Variants in PIK3C2G observed in about 807,000 individuals in gnomAD.
PIK3C2G encodes phosphatidylinositol 3-kinase C2 domain-containing subunit gamma.
In PIK3C2G, 168 loss-of-function variants were observed where a neutral mutation model predicts 181.1. The observed-to-expected ratio is 0.93, with a 90% CI of 0.82 to 1.05. The LOEUF is 1.05. Among genes scored for constraint, PIK3C2G ranks in the 50% least tolerant of loss-of-function variants. The pLI is 0.00. For missense variants in PIK3C2G, 1,869 were observed against 1,732.8 expected, an observed-to-expected ratio of 1.08 and a Z score of -1.40; for synonymous variants, 573 against 592.2, an observed-to-expected ratio of 0.97 and a Z score of 0.47.
the PIK3C2G span, among the ~76,000 whole-genome samples, chr12:18,702,512 G>A: frequency 6.6e-6 from 1 of 152,058 alleles, no homozygotes; most frequent in Non-Finnish European, 1.5e-5. Context: ...TCTCCAGGGA[G>A]CTTTGATTGT....
At chr12:18,465,412 A>G (rs1937750382) in intron 18 of PIK3C2G, among the ~76,000 whole-genome samples, 1 of 151,884 alleles carries the variant, frequency 6.6e-6, no homozygotes, top group Non-Finnish European at 1.5e-5. Context: ...TTCTTTGTCC[A>G]TCATTTCTTC....
the PIK3C2G span, among the ~76,000 whole-genome samples, chr12:18,718,793 T>C: frequency 6.6e-6 from 1 of 152,220 alleles, no homozygotes; most frequent in African/African-American, 2.4e-5. Flanking sequence ...TCTGTCTATC[T>C]GCTTGTACAC....
chr12:18,719,352 C>G, the PIK3C2G span: 1 of 793,058 alleles, frequency 1.3e-6, no homozygotes, highest in Non-Finnish European at 1.8e-6. Context: ...TTATTGTGCA[C>G]TCTTGCCTAC....
At chr12:18,599,686 AAAAAT>A (rs1285334955) in intron 30 of PIK3C2G, among the ~76,000 whole-genome samples, 12 of 99,038 alleles carry the variant, frequency 1.2e-4, no homozygotes, top group African/African-American at 4.6e-4. Flanking sequence ...ATAAATAAAA[AAAAAT>A]AAAAATAAAA....
chr12:18,617,446 G>T (rs1204783729), intron 31 of PIK3C2G, among the ~76,000 whole-genome samples: 1 of 152,036 alleles, frequency 6.6e-6, no homozygotes, highest in Admixed American at 6.6e-5. Flanking sequence ...TTTTATACAT[G>T]TTTCACCAAA....
chr12:18,607,262 G>C (rs1034586373), intron 30 of PIK3C2G: 1 of 469,888 alleles, frequency 2.1e-6, no homozygotes, highest in African/African-American at 2.0e-5. Flanking sequence ...GAAAGAAATA[G>C]TAGAGCCTGT....
intron 20 of PIK3C2G, among the ~76,000 whole-genome samples, chr12:18,492,584 A>G (rs892062964): frequency 2.0e-5 from 3 of 152,334 alleles, no homozygotes; most frequent in Middle Eastern, 3.4e-3. Flanking sequence ...CATCATCAGC[A>G]GTATTCTTGT....
intron 21 of PIK3C2G, among the ~76,000 whole-genome samples, chr12:18,496,630 G>A (rs1242374683): frequency 6.6e-6 from 1 of 151,958 alleles, no homozygotes; most frequent in African/African-American, 2.4e-5. Flanking sequence ...TAATCCCACT[G>A]GAAAAACAGA....
chr12:18,433,784 A>G (rs1946294792), intron 18 of PIK3C2G, among the ~76,000 whole-genome samples: 1 of 152,204 alleles, frequency 6.6e-6, no homozygotes, highest in Non-Finnish European at 1.5e-5. Flanking sequence ...AAATCCCTCT[A>G]GGATGGGAAA....
chr12:18,492,115 T>C (rs533699068), intron 20 of PIK3C2G, among the ~76,000 whole-genome samples: 6 of 152,336 alleles, frequency 3.9e-5, no homozygotes, highest in African/African-American at 1.4e-4. Context: ...CTCTGTCATA[T>C]GGTACCTCTT....
At chr12:18,360,232 C>T (rs111346640) in intron 11 of PIK3C2G, among the ~76,000 whole-genome samples, 2,432 of 152,062 alleles carry the variant, frequency 0.016, 65 homozygotes, top group African/African-American at 0.055. Flanking sequence ...CTTCTTTAAC[C>T]TTTTAACTAA....
intron 25 of PIK3C2G, among the ~76,000 whole-genome samples, chr12:18,544,294 T>G (rs1944312385): frequency 1.3e-5 from 2 of 151,794 alleles, no homozygotes; most frequent in African/African-American, 4.8e-5. Flanking sequence ...TAAAAGACAT[T>G]TGTGACCAGA....
intron 29 of PIK3C2G, among the ~76,000 whole-genome samples, chr12:18,573,130 T>G (rs1946055304): frequency 6.6e-6 from 1 of 152,216 alleles, no homozygotes; most frequent in Non-Finnish European, 1.5e-5. Context: ...ATTTTCTTTT[T>G]TTATTGTGGC....
the PIK3C2G span, among the ~76,000 whole-genome samples, chr12:18,717,544 C>T: frequency 2.0e-5 from 3 of 152,086 alleles, no homozygotes; most frequent in Non-Finnish European, 2.9e-5. Context: ...CTTCTGAATT[C>T]CACACACACA....
chr12:18,609,576 A>G lies in PIK3C2G; in HGVS notation c.4129A>G (p.Ile1377Val). 1.3e-6 allele frequency: 2 copies of G among 1,589,016 alleles called. No individual in the cohort carries two copies. Among genetic ancestry groups the G allele is most frequent in the Non-Finnish European group, 8.6e-7 (1 of 1,166,098 alleles). ...CAAGAAGCCTAAGGTGCAGTTAGTC[A>G]TATCCTACGAGGATGTGAAGCTGAC... The part of the protein sequence containing the change: ...PDKKPKVQLV[I>V]SYEDVKLTIL... Residue 1377 changes from isoleucine (I) to valine (V), a missense_variant, in exon 31 of 33, where the codon ATA (isoleucine) becomes GTA (valine). Coordinates refer to ENST00000538779, the MANE Select transcript of PIK3C2G (RefSeq NM_001288772.2).
chr12:18,681,139 A>T, the PIK3C2G span, among the ~76,000 whole-genome samples: 62 of 152,162 alleles, frequency 4.1e-4, no homozygotes, highest in African/African-American at 1.4e-3. Flanking sequence ...TTCAACAAGG[A>T]AACACGACAG....
At chr12:18,547,644 A>AAAAACAAAACAAAACAAAACAAAAC (rs143686648) in intron 26 of PIK3C2G, among the ~76,000 whole-genome samples, 15 of 151,084 alleles carry the variant, frequency 9.9e-5, no homozygotes, top group African/African-American at 3.4e-4. Flanking sequence ...GAGTTGTTGC[A>AAAAACAAAACAAAACAAAACAAAAC]AAAACAAAAC....
chr12:18,573,593 GCTGT>G (rs1260936829), intron 29 of PIK3C2G, among the ~76,000 whole-genome samples: 4 of 152,074 alleles, frequency 2.6e-5, no homozygotes, highest in African/African-American at 7.2e-5. Context: ...TATCTTGTTG[GCTGT>G]CTAACACTTT....
rs554991875 is a variant in PIK3C2G at position 18,421,068 on chromosome 12, G to T, written c.2409+34G>T. 2.0e-4 allele frequency: 222 copies of T among 1,132,796 alleles called. 1 individual carries two copies. In the South Asian group the frequency reaches 2.7e-3, roughly 14 times the overall value. The allele number at this position is 1,132,796 out of a possible 1,614,324, so 70.2% of individuals were successfully genotyped here. On this transcript the variant is annotated intron_variant, in intron 17 of 32. Coordinates refer to ENST00000538779, the MANE Select transcript of PIK3C2G (RefSeq NM_001288772.2). ...AGAAGAGTTGCTAAGGAAACCCAGG[G>T]TTTTAACTAATTATCTCTAAAAGGT...
Sources: allele counts gnomAD v4.1 joint callset (sites outside exome capture counted in the v4.1 genomes callset), GRCh38; gene constraint gnomAD v4.1.1; transcripts MANE v1.5; gene names NCBI Gene and HGNC (gene_info 2026-07-23, HGNC 2026-07-21).